Variants in PEX14 observed in about 807,000 individuals in gnomAD.
PEX14 encodes peroxisomal membrane protein PEX14.
Under a neutral mutation model 49.5 loss-of-function variants are expected in PEX14, and 15 were observed. That is an observed-to-expected ratio of 0.30 (90% CI 0.20 to 0.47). The LOEUF (loss-of-function observed/expected upper bound fraction) is 0.47, where lower values mean the gene tolerates loss of function less well. Ranked by LOEUF, PEX14 falls within the 20% of genes least tolerant of loss-of-function variation. The pLI is 1.00. For missense variants in PEX14, 398 were observed against 494.8 expected (o/e 0.80, Z 1.86); for synonymous variants, 210 against 212.7 (o/e 0.99, Z 0.11).
intron 3 of PEX14, among the ~76,000 whole-genome samples, chr1:10,555,417 T>G (rs925948915): frequency 6.6e-6 from 1 of 151,844 alleles, no homozygotes. Flanking sequence ...TAAAAATGAT[T>G]TTCAATGTAA....
chr1:10,562,018 G>A (rs1217294779), intron 3 of PEX14, among the ~76,000 whole-genome samples: 1 of 152,024 alleles, frequency 6.6e-6, no homozygotes, highest in African/African-American at 2.4e-5. Flanking sequence ...ATAGGTGTAT[G>A]CCACTGCGCC....
At chr1:10,510,564 A>T (rs1170049655) in intron 2 of PEX14, among the ~76,000 whole-genome samples, 1 of 152,190 alleles carries the variant, frequency 6.6e-6, no homozygotes, top group East Asian at 1.9e-4. Context: ...GTAGGAAAGG[A>T]GTCCCTGTGT....
chr1:10,581,681 T>A (rs1640324636), intron 3 of PEX14, among the ~76,000 whole-genome samples: 1 of 151,236 alleles, frequency 6.6e-6, no homozygotes, highest in Non-Finnish European at 1.5e-5. Context: ...TAATTGGGAT[T>A]TTTTAATTGA....
intron 2 of PEX14, among the ~76,000 whole-genome samples, chr1:10,515,821 G>A (rs1272920859): frequency 2.0e-5 from 3 of 152,278 alleles, no homozygotes; most frequent in African/African-American, 7.2e-5. Flanking sequence ...GAACTCCACT[G>A]TGTGCTGTGG....
chr1:10,479,106 A>G (rs957509909), intron 1 of PEX14, among the ~76,000 whole-genome samples: 1 of 151,588 alleles, frequency 6.6e-6, no homozygotes, highest in Non-Finnish European at 1.5e-5. Flanking sequence ...GCTGGGCGTG[A>G]TGGCTCATAC....
At chr1:10,498,511 A>G (rs1641609854) in intron 2 of PEX14, among the ~76,000 whole-genome samples, 1 of 152,148 alleles carries the variant, frequency 6.6e-6, no homozygotes, top group Non-Finnish European at 1.5e-5. Context: ...GAGAAGTGTA[A>G]TCTTGTAGTC....
intron 1 of PEX14, among the ~76,000 whole-genome samples, chr1:10,489,881 G>C (rs1228796364): frequency 6.6e-6 from 1 of 152,220 alleles, no homozygotes; most frequent in South Asian, 2.1e-4. Flanking sequence ...TTCAGGGATC[G>C]TAGTCCTGCA....
In PEX14 at chr1:10,510,316, A is replaced by G. The variant is rs1641860421; in HGVS notation, c.84+14995A>G. Among the ~76,000 whole-genome samples the G allele has an allele frequency of 2.0e-5, 3 of 152,364 alleles. No homozygotes were observed. In the South Asian group the frequency reaches 6.2e-4, roughly 32 times the overall value. The stretch of plus-strand genomic sequence containing the variant: ...TTTCCTTTGAGGTTCCCTGGTGCCT[A>G]GAATGGTTAGATGGCAGGCTGCAGA... On this transcript the variant is annotated intron_variant, in intron 2 of 8. Transcript: ENST00000356607.
At chr1:10,556,538 C>T (rs772226071) in intron 3 of PEX14, among the ~76,000 whole-genome samples, 8 of 152,060 alleles carry the variant, frequency 5.3e-5, no homozygotes, top group East Asian at 1.9e-4. Flanking sequence ...AGTCGGTGTG[C>T]GCTGACCTCA....
intron 3 of PEX14, chr1:10,536,686 A>G (rs934502085): frequency 8.5e-6 from 2 of 236,572 alleles, no homozygotes; most frequent in African/African-American, 4.4e-5. Context: ...AATGAGGGAG[A>G]AAGAAATGAA....
chr1:10,490,700 C>CTTTT (rs34914348), intron 1 of PEX14, among the ~76,000 whole-genome samples: 2 of 132,580 alleles, frequency 1.5e-5, no homozygotes, highest in African/African-American at 2.8e-5. Context: ...GTTTCTAAGC[C>CTTTT]TTTTTTTTTT....
chr1:10,575,120 A>G (rs1228515986), intron 3 of PEX14, among the ~76,000 whole-genome samples: 1 of 152,132 alleles, frequency 6.6e-6, no homozygotes, highest in Non-Finnish European at 1.5e-5. Flanking sequence ...AGAATTGACA[A>G]TATTAATATT....
chr1:10,609,552 A>G (rs752808847), intron 4 of PEX14, among the ~76,000 whole-genome samples: 15 of 152,100 alleles, frequency 9.9e-5, no homozygotes, highest in Non-Finnish European at 1.6e-4. Flanking sequence ...TTAACCACCA[A>G]TCTCTGCTCT....
chr1:10,610,370 T>TAC (rs767834450), intron 4 of PEX14, among the ~76,000 whole-genome samples: 3,966 of 98,490 alleles, frequency 0.04, 61 homozygotes, highest in Non-Finnish European at 0.051. Flanking sequence ...TATATATATA[T>TAC]ATACACACAC....
chr1:10,587,193 A>G lies in PEX14; in HGVS notation c.170-12045A>G, dbSNP rs187296970. ...ATAATGAGGCTGTGTGTGGTGGCTC[A>G]CGCCTGTAATCCCAGCACTTTGGGA... On this transcript the variant is annotated intron_variant, in intron 3 of 8. Transcript: ENST00000356607. 4.2e-3 allele frequency among the ~76,000 whole-genome samples: 634 copies of G among 151,968 alleles called. 7 individuals carry two copies. The highest frequency in any genetic ancestry group is 0.015 in the African/African-American group (607 of 41,494).
intron 3 of PEX14, among the ~76,000 whole-genome samples, chr1:10,571,946 C>T (rs963827160): frequency 7.2e-5 from 11 of 152,122 alleles, no homozygotes; most frequent in Non-Finnish European, 1.6e-4. Flanking sequence ...TCATAATCTT[C>T]CCTTCAACCA....
rs969888237 is a variant in PEX14, at chr1:10,613,871, G to A, written c.299-4461G>A. On this transcript the variant is annotated intron_variant, in intron 4 of 8. Transcript: ENST00000356607. This position sits in a 1 kb window ranked among gnomAD's most constrained non-coding sequence, Gnocchi z 5.0. ...GCAGGCCAGTCCCTGCTTCCAGAGT[G>A]GAGACTCGAAGCATTTAAAAAGCCC... 5.9e-5 allele frequency among the ~76,000 whole-genome samples: 9 copies of A among 152,204 alleles called. No individual in the cohort carries two copies. The highest frequency in any genetic ancestry group is 2.2e-4 in the African/African-American group (9 of 41,442).
chr1:10,595,029 G>A (rs1244233484), intron 3 of PEX14, among the ~76,000 whole-genome samples: 1 of 151,938 alleles, frequency 6.6e-6, no homozygotes, highest in Non-Finnish European at 1.5e-5. Flanking sequence ...CACTTGTTCT[G>A]TCCTTTTAAA....
chr1:10,532,176 G>A (rs755478183), intron 2 of PEX14, among the ~76,000 whole-genome samples: 1 of 152,046 alleles, frequency 6.6e-6, no homozygotes, highest in African/African-American at 2.4e-5. Context: ...AGTCCCCCCC[G>A]CTTTTTTCCA....
Sources: gnomAD v4.1 joint callset for allele counts (sites outside exome capture counted in the v4.1 genomes callset) on GRCh38, gnomAD v4.1.1 for gene constraint, Gnocchi (gnomAD v3.1) non-coding constraint, MANE v1.5 for transcripts, NCBI Gene and HGNC (gene_info 2026-07-23, HGNC 2026-07-21) for gene names.